Variants in NAALADL2 observed in about 807,000 individuals in gnomAD.
The protein encoded by NAALADL2 is N-acetylated alpha-linked acidic dipeptidase like 2, also known as inactive N-acetylated-alpha-linked acidic dipeptidase-like protein 2.
Under a neutral mutation model 87.2 loss-of-function variants are expected in NAALADL2, and 76 were observed. That is an observed-to-expected ratio of 0.87 (90% CI 0.72 to 1.05). The LOEUF (loss-of-function observed/expected upper bound fraction) is 1.05. NAALADL2 is among the 50% of genes least tolerant of loss of function. The probability of loss-of-function intolerance (pLI) is 0.00; values close to 1 mark genes in which losing one functional copy is unlikely to be tolerated. For missense variants in NAALADL2, 1,089 were observed against 945.8 expected, an observed-to-expected ratio of 1.15 and a Z score of -1.99; for synonymous variants, 354 against 331.0, an observed-to-expected ratio of 1.07 and a Z score of -0.75.
intron 9 of NAALADL2, among the ~76,000 whole-genome samples, chr3:175,516,475 G>A (rs1343094750): frequency 6.6e-6 from 1 of 152,186 alleles, no homozygotes; most frequent in Non-Finnish European, 1.5e-5. Context: ...AATGTGCACT[G>A]TTAGTTGAGA....
At chr3:175,102,229 T>C (rs1043256971) in intron 2 of NAALADL2, among the ~76,000 whole-genome samples, 1 of 152,214 alleles carries the variant, frequency 6.6e-6, no homozygotes, top group Admixed American at 6.5e-5. Context: ...CAATTGTGCC[T>C]ATTTAATTAT....
intron 2 of NAALADL2, among the ~76,000 whole-genome samples, chr3:175,233,019 A>G (rs1745215889): frequency 6.6e-6 from 1 of 152,160 alleles, no homozygotes; most frequent in Non-Finnish European, 1.5e-5. Flanking sequence ...ATAAGCAAAA[A>G]TCGTGTCATT....
chr3:175,395,156 G>A (rs999704867), intron 5 of NAALADL2, among the ~76,000 whole-genome samples: 1 of 152,072 alleles, frequency 6.6e-6, no homozygotes, highest in African/African-American at 2.4e-5. Flanking sequence ...AATGCATACA[G>A]CATTATATGT....
intron 3 of NAALADL2, among the ~76,000 whole-genome samples, chr3:175,241,855 A>ATTTTTTTTT (rs779567135): frequency 0.017 from 1,456 of 83,798 alleles, 296 homozygotes; most frequent in Non-Finnish European, 0.02. Flanking sequence ...TGGATGCTGA[A>ATTTTTTTTT]TTTTTTTTTT....
chr3:175,323,231 C>A (rs1027999550), intron 4 of NAALADL2, among the ~76,000 whole-genome samples: 7 of 148,372 alleles, frequency 4.7e-5, no homozygotes, highest in East Asian at 2.0e-4. Context: ...AGTAAACTAT[C>A]GCAAGAACAA....
chr3:175,149,768 A>G (rs556612800), intron 2 of NAALADL2, among the ~76,000 whole-genome samples: 23 of 152,312 alleles, frequency 1.5e-4, no homozygotes, highest in Non-Finnish European at 2.6e-4. Context: ...AACAGATTCA[A>G]TTCATCATTA....
intron 2 of NAALADL2, among the ~76,000 whole-genome samples, chr3:175,217,497 C>T (rs1454281161): frequency 6.6e-6 from 1 of 152,158 alleles, no homozygotes; most frequent in Non-Finnish European, 1.5e-5. Flanking sequence ...GAAATAGTTG[C>T]ATATATTTTT....
chr3:174,628,090 A>C (rs556749536), intron 2 of NAALADL2, among the ~76,000 whole-genome samples: 1 of 152,328 alleles, frequency 6.6e-6, no homozygotes, highest in South Asian at 2.1e-4. Flanking sequence ...AATCTACAAA[A>C]ATATAAATTA....
chr3:174,606,619 A>G (rs1719095808), intron 2 of NAALADL2, among the ~76,000 whole-genome samples: 1 of 152,176 alleles, frequency 6.6e-6, no homozygotes, highest in Non-Finnish European at 1.5e-5. Flanking sequence ...AAGTTTAGAG[A>G]AAAAAGAATA....
chr3:174,910,976 T>C (rs1177830575), intron 1 of NAALADL2, among the ~76,000 whole-genome samples: 3 of 152,074 alleles, frequency 2.0e-5, no homozygotes, highest in East Asian at 1.9e-4. Context: ...CAGGCTGCAC[T>C]TGCATCTTGT....
At chr3:174,874,640 A>G (rs1193549976) in intron 1 of NAALADL2, among the ~76,000 whole-genome samples, 1 of 152,200 alleles carries the variant, frequency 6.6e-6, no homozygotes, top group African/African-American at 2.4e-5. Flanking sequence ...TCAAGAAAAA[A>G]TAACCTTGAC....
intron 2 of NAALADL2, among the ~76,000 whole-genome samples, chr3:174,672,762 A>G (rs612257): frequency 0.64 from 96,337 of 151,156 alleles, 31,387 homozygotes; most frequent in Admixed American, 0.72. Flanking sequence ...AGGACAGCAA[A>G]TGCAAGATTC....
chr3:175,416,382 T>G (rs1038490158), intron 5 of NAALADL2, among the ~76,000 whole-genome samples: 12 of 152,286 alleles, frequency 7.9e-5, no homozygotes, highest in African/African-American at 2.2e-4. Context: ...AATTAGTTAA[T>G]TTTTAGAGAT....
chr3:175,273,901 C>T (rs1156791145), intron 4 of NAALADL2, among the ~76,000 whole-genome samples: 1 of 151,826 alleles, frequency 6.6e-6, no homozygotes, highest in Non-Finnish European at 1.5e-5. Context: ...AATTTTTTAA[C>T]AAATTAAAAT....
At chr3:174,634,917 T>C (rs1722480489) in intron 2 of NAALADL2, among the ~76,000 whole-genome samples, 1 of 152,206 alleles carries the variant, frequency 6.6e-6, no homozygotes, top group South Asian at 2.1e-4. Context: ...ATTTTCTGTA[T>C]TTATTGAGAT....
chr3:174,792,177 T>A (rs934329581), intron 3 of NAALADL2, among the ~76,000 whole-genome samples: 4 of 151,582 alleles, frequency 2.6e-5, no homozygotes, highest in Non-Finnish European at 4.4e-5. Context: ...ACTGAGATCA[T>A]GCCACTGTAC....
intron 10 of NAALADL2, among the ~76,000 whole-genome samples, chr3:175,587,496 C>A (rs1720703791): frequency 6.6e-6 from 1 of 151,952 alleles, no homozygotes; most frequent in Non-Finnish European, 1.5e-5. Context: ...GCAATGGTAG[C>A]AATGAAGGCA....
chr3:174,941,182 G>A (rs1236278989), intron 1 of NAALADL2, among the ~76,000 whole-genome samples: 1 of 152,094 alleles, frequency 6.6e-6, no homozygotes, highest in Non-Finnish European at 1.5e-5. Flanking sequence ...CTGGATCCCA[G>A]AGATTCTGGT....
chr3:174,662,948 C>T (rs1263235968), intron 2 of NAALADL2, among the ~76,000 whole-genome samples: 2 of 152,160 alleles, frequency 1.3e-5, no homozygotes, highest in Non-Finnish European at 2.9e-5. Context: ...AGATGACACT[C>T]ATCTATCAAA....
Sources: allele counts gnomAD v4.1 joint callset (sites outside exome capture counted in the v4.1 genomes callset), GRCh38; gene constraint gnomAD v4.1.1; transcripts MANE v1.5; gene names NCBI Gene and HGNC (gene_info 2026-07-23, HGNC 2026-07-21).